The following GPA33 variants were observed in gnomAD, a reference collection of about 807,000 sequenced individuals.
GPA33 encodes the protein glycoprotein A33, also known as cell surface A33 antigen.
GPA33 carries 27 observed loss-of-function variants against 35.6 expected under a neutral mutation model. That is an observed-to-expected ratio of 0.76 (90% CI 0.56 to 1.04). GPA33 has a LOEUF of 1.04. Among genes scored for constraint, GPA33 ranks in the 50% least tolerant of loss-of-function variants. The pLI, the probability that GPA33 is intolerant of heterozygous loss-of-function variation, is 0.00. For synonymous variants in GPA33, 176 were observed against 164.0 expected (o/e 1.07, Z -0.56); for missense variants, 428 against 411.9 (o/e 1.04, Z -0.34).
chr1:167,076,538 C>T (rs867825387), intron 1 of GPA33, among the ~76,000 whole-genome samples: 4 of 152,184 alleles, frequency 2.6e-5, no homozygotes, highest in Admixed American at 6.5e-5. Flanking sequence ...GCAAATCGCT[C>T]CTGGGAAACA....
At chr1:167,071,730 C>A (rs905812568) in intron 2 of GPA33, among the ~76,000 whole-genome samples, 1 of 152,162 alleles carries the variant, frequency 6.6e-6, no homozygotes, top group African/African-American at 2.4e-5. Context: ...AACCCTCCTC[C>A]CATCAAAGAT....
chr1:167,086,383 T>C (rs1312821050), intron 1 of GPA33, among the ~76,000 whole-genome samples: 5 of 152,212 alleles, frequency 3.3e-5, no homozygotes, highest in Admixed American at 2.0e-4. Flanking sequence ...CCTCTTGAGG[T>C]CCAGGGTCTC....
At chr1:167,062,991 G>A (rs1367200108) in intron 4 of GPA33, among the ~76,000 whole-genome samples, 3 of 152,204 alleles carry the variant, frequency 2.0e-5, no homozygotes, top group Non-Finnish European at 4.4e-5. Flanking sequence ...TGCACAGAGT[G>A]CTTATCAGGG....
At chr1:167,058,775 A>G (rs951291524) in intron 4 of GPA33, among the ~76,000 whole-genome samples, 2 of 152,240 alleles carry the variant, frequency 1.3e-5, no homozygotes, top group African/African-American at 4.8e-5. Context: ...TCACTGAGTT[A>G]GGATTAAGTA....
chr1:167,059,809 T>A (rs1040071784), intron 4 of GPA33, among the ~76,000 whole-genome samples: 1 of 152,176 alleles, frequency 6.6e-6, no homozygotes, highest in Admixed American at 6.5e-5. Flanking sequence ...AGGCTGTGAG[T>A]GACTCACAGC....
chr1:167,088,651 T>C (rs905873170), intron 1 of GPA33, among the ~76,000 whole-genome samples: 3 of 152,186 alleles, frequency 2.0e-5, no homozygotes, highest in Admixed American at 2.0e-4. Flanking sequence ...CTCCAGGCAA[T>C]TCAGAGTTAC....
chr1:167,079,504 A>G (rs1214418428), intron 1 of GPA33, among the ~76,000 whole-genome samples: 3 of 151,978 alleles, frequency 2.0e-5, no homozygotes, highest in Non-Finnish European at 2.9e-5. Flanking sequence ...AAAAAAAAGA[A>G]AAAAAAGAAA....
At chr1:167,087,007 C>T (rs949426542) in intron 1 of GPA33, among the ~76,000 whole-genome samples, 18 of 151,974 alleles carry the variant, frequency 1.2e-4, no homozygotes, top group Admixed American at 2.0e-4. Flanking sequence ...TTTCATGCAG[C>T]GGCACATTGC....
chr1:167,085,173 G>C (rs1269230470), intron 1 of GPA33, among the ~76,000 whole-genome samples: 2 of 152,158 alleles, frequency 1.3e-5, no homozygotes, highest in Non-Finnish European at 2.9e-5. Context: ...GGTGGATGTA[G>C]AGTGACAATA....
intron 3 of GPA33, among the ~76,000 whole-genome samples, chr1:167,064,584 G>A (rs1479355116): frequency 4.6e-5 from 7 of 152,186 alleles, no homozygotes; most frequent in South Asian, 2.1e-4. Context: ...TTTAGGCTTC[G>A]CAGACTACAT....
chr1:167,077,419 A>G (rs1408363804), intron 1 of GPA33, among the ~76,000 whole-genome samples: 1 of 152,030 alleles, frequency 6.6e-6, no homozygotes, highest in Non-Finnish European at 1.5e-5. Context: ...CCTTGCCTGG[A>G]CCAGGGCATT....
chr1:167,063,671 G>T lies in GPA33; in HGVS notation c.482C>A (p.Thr161Asn), dbSNP rs149079321. The T allele has an allele frequency of 7.8e-5, 126 of 1,613,618 alleles. No homozygotes were observed. In the African/African-American group the frequency reaches 1.6e-3, roughly 20 times the overall value. The change falls in exon 4 of 7, where the codon ACC becomes AAC. Residue 161 changes from threonine (T) to asparagine (N), a missense_variant. Coordinates refer to ENST00000367868, the MANE Select transcript of GPA33 (RefSeq NM_005814.3). ...TGGTGAGCCCTCCTTTGATTGGCAGGTCAGCTGGATGTTGTTCCCAATTAT... is the reference window on the plus strand; with the variant it reads ...TGGTGAGCCCTCCTTTGATTGGCAGTTCAGCTGGATGTTGTTCCCAATTAT... ...ETIIGNNIQL[T>N]CQSKEGSPTP...
At chr1:167,058,130 T>C (rs1666351558) in intron 4 of GPA33, among the ~76,000 whole-genome samples, 1 of 152,142 alleles carries the variant, frequency 6.6e-6, no homozygotes, top group Non-Finnish European at 1.5e-5. Flanking sequence ...ACCTGGGTGG[T>C]GGAGGTTACA....
intron 1 of GPA33, among the ~76,000 whole-genome samples, chr1:167,077,337 T>C (rs1666844194): frequency 6.6e-6 from 1 of 152,148 alleles, no homozygotes; most frequent in Non-Finnish European, 1.5e-5. Flanking sequence ...AGACAGCCCA[T>C]CTAGATATCA....
intron 4 of GPA33, among the ~76,000 whole-genome samples, chr1:167,061,248 T>TG (rs1228330938): frequency 6.6e-6 from 1 of 152,232 alleles, no homozygotes; most frequent in Non-Finnish European, 1.5e-5. Context: ...GCATCTTCTG[T>TG]GTTACATCAC....
At chr1:167,079,226 C>T (rs895619921) in intron 1 of GPA33, among the ~76,000 whole-genome samples, 6 of 152,098 alleles carry the variant, frequency 3.9e-5, no homozygotes, top group Non-Finnish European at 7.4e-5. Flanking sequence ...GGCGTGGTGG[C>T]TCACTCCTGT....
Position 167,063,644 on chromosome 1 carries a change from G to T in GPA33, c.509C>A (p.Thr170Asn), listed in dbSNP as rs780601775. The T allele has an allele frequency of 6.2e-7, 1 of 1,613,650 alleles. No individual in the cohort carries two copies. The highest frequency in any genetic ancestry group is 1.1e-5 in the South Asian group (1 of 91,046). Residue 170 changes from threonine (T) to asparagine (N), a missense_variant, in exon 4 of 7, where the codon ACC (threonine) becomes AAC (asparagine). By Grantham distance (65) the Thr-to-Asn change is moderately conservative. Coordinates refer to ENST00000367868, the MANE Select transcript of GPA33 (RefSeq NM_005814.3). ...LTCQSKEGSP[T>N]PQYSWKRYNI... ...GTACCTCTTCCAGCTGTACTGAGGG[G>T]TTGGTGAGCCCTCCTTTGATTGGCA...
chr1:167,074,311 G>T (rs1666779957), intron 1 of GPA33, among the ~76,000 whole-genome samples: 1 of 151,836 alleles, frequency 6.6e-6, no homozygotes, highest in South Asian at 2.1e-4. Context: ...CTCTTCACCT[G>T]GTCCCTTGCG....
Position 167,069,612 on chromosome 1 carries a change from A to G in GPA33, c.199-474T>C, listed in dbSNP as rs141095841. On this transcript the variant is annotated intron_variant, in intron 2 of 6. Coordinates refer to ENST00000367868, the MANE Select transcript of GPA33 (RefSeq NM_005814.3). The stretch of plus-strand genomic sequence containing the variant: ...GCCTTTGGAATGTACTGATTGATTG[A>G]TAGACTCATCATTTATCAAATTGTA... 6.1e-3 allele frequency among the ~76,000 whole-genome samples: 926 copies of G among 152,370 alleles called. 6 individuals are homozygous for G. The highest frequency in any genetic ancestry group is 9.9e-3 in the Non-Finnish European group (674 of 68,036).
Sources: allele counts gnomAD v4.1 joint callset (sites outside exome capture counted in the v4.1 genomes callset), GRCh38; gene constraint gnomAD v4.1.1; transcripts MANE v1.5; gene names NCBI Gene and HGNC (gene_info 2026-07-23, HGNC 2026-07-21).